Variants in LHFPL3 observed in about 807,000 individuals in gnomAD.
The protein encoded by LHFPL3 is LHFPL tetraspan subfamily member 3 protein.
A neutral mutation model predicts 19.3 loss-of-function variants in LHFPL3; 5 were observed. The observed-to-expected ratio is 0.26, with a 90% CI of 0.14 to 0.54. The LOEUF (loss-of-function observed/expected upper bound fraction) is 0.54, where lower values mean the gene tolerates loss of function less well. Ranked by LOEUF, LHFPL3 falls within the 20% of genes least tolerant of loss-of-function variation. The pLI is 0.94. For synonymous variants in LHFPL3, 133 were observed against 126.2 expected, an observed-to-expected ratio of 1.05 and a Z score of -0.36; for missense variants, 249 against 307.4, an observed-to-expected ratio of 0.81 and a Z score of 1.42.
At chr7:104,610,549 A>T (rs920662792) in intron 1 of LHFPL3, among the ~76,000 whole-genome samples, 3 of 152,166 alleles carry the variant, frequency 2.0e-5, no homozygotes, top group Non-Finnish European at 2.9e-5. Flanking sequence ...CAGGCTTGAG[A>T]ACCAGGAGAG....
chr7:104,462,928 G>A (rs941499264), intron 1 of LHFPL3, among the ~76,000 whole-genome samples: 2 of 151,918 alleles, frequency 1.3e-5, no homozygotes, highest in Admixed American at 6.6e-5. Context: ...GCTCATTATT[G>A]GTCTGTTTGG....
intron 1 of LHFPL3, among the ~76,000 whole-genome samples, chr7:104,484,414 A>C (rs1354981131): frequency 6.6e-6 from 1 of 152,136 alleles, no homozygotes; most frequent in Admixed American, 6.5e-5. Context: ...CAAAGTGCTG[A>C]GGATGGAGCA....
intron 2 of LHFPL3, among the ~76,000 whole-genome samples, chr7:104,772,975 A>G (rs1467635036): frequency 6.6e-6 from 1 of 152,286 alleles, no homozygotes; most frequent in East Asian, 1.9e-4. Flanking sequence ...GCTGACAGCA[A>G]CACAAAGAGA....
At chr7:104,463,158 A>C (rs1314286127) in intron 1 of LHFPL3, among the ~76,000 whole-genome samples, 1 of 152,132 alleles carries the variant, frequency 6.6e-6, no homozygotes, top group East Asian at 1.9e-4. Flanking sequence ...CTAGCAGCCT[A>C]TCTTATTACA....
chr7:104,859,266 CAA>C (rs565168699), intron 2 of LHFPL3, among the ~76,000 whole-genome samples: 1 of 131,494 alleles, frequency 7.6e-6, no homozygotes, highest in Non-Finnish European at 1.6e-5. Flanking sequence ...GACACTGTCT[CAA>C]AAAAAAAAAA....
chr7:104,650,998 C>T (rs1417272846), intron 1 of LHFPL3, among the ~76,000 whole-genome samples: 1 of 152,176 alleles, frequency 6.6e-6, no homozygotes, highest in Non-Finnish European at 1.5e-5. Flanking sequence ...ATCTAACTAA[C>T]CATCTTCTTA....
At chr7:104,814,800 C>G (rs1790534068) in intron 2 of LHFPL3, among the ~76,000 whole-genome samples, 1 of 152,250 alleles carries the variant, frequency 6.6e-6, no homozygotes. Flanking sequence ...TGTGTGCACG[C>G]TCGACTGGGC....
chr7:104,484,755 G>C (rs915028900), intron 1 of LHFPL3, among the ~76,000 whole-genome samples: 5 of 152,312 alleles, frequency 3.3e-5, no homozygotes, highest in East Asian at 1.9e-4. Context: ...ATCCCATGAG[G>C]GGGGAAGGCA....
chr7:104,686,910 A>G (rs1792815805), intron 1 of LHFPL3, among the ~76,000 whole-genome samples: 1 of 152,236 alleles, frequency 6.6e-6, no homozygotes, highest in Non-Finnish European at 1.5e-5. Flanking sequence ...AGAGTGAAGC[A>G]GGGAAAAGCC....
intron 2 of LHFPL3, among the ~76,000 whole-genome samples, chr7:104,844,615 T>C (rs564577947): frequency 6.6e-6 from 1 of 152,336 alleles, no homozygotes. Flanking sequence ...TCCTCTCCTT[T>C]GGGTGGTATT....
chr7:104,454,384 A>AC (rs2116607387), intron 1 of LHFPL3, among the ~76,000 whole-genome samples: 3 of 152,268 alleles, frequency 2.0e-5, no homozygotes, highest in African/African-American at 7.2e-5. Context: ...ATTGGTCCTT[A>AC]CCTTATGAGA....
intron 1 of LHFPL3, among the ~76,000 whole-genome samples, chr7:104,574,128 A>G (rs1328915395): frequency 6.6e-6 from 1 of 152,218 alleles, no homozygotes. Flanking sequence ...AATTATAGAA[A>G]TTCCCTAGGT....
chr7:104,401,635 A>G (rs1791313620), intron 1 of LHFPL3, among the ~76,000 whole-genome samples: 1 of 152,234 alleles, frequency 6.6e-6, no homozygotes, highest in South Asian at 2.1e-4. Context: ...CTTTTCAGAA[A>G]TTCAATTTGA....
chr7:104,605,683 CACTTT>C (rs1791082010), intron 1 of LHFPL3, among the ~76,000 whole-genome samples: 1 of 152,104 alleles, frequency 6.6e-6, no homozygotes, highest in African/African-American at 2.4e-5. Context: ...AAGCATTTTT[CACTTT>C]ATAACCCTCA....
At chr7:104,744,366 G>C (rs368835829) in intron 2 of LHFPL3, among the ~76,000 whole-genome samples, 38 of 152,152 alleles carry the variant, frequency 2.5e-4, no homozygotes, top group African/African-American at 9.2e-4. Context: ...GTATCTTCAA[G>C]TGCTTTGAAT....
At chr7:104,367,524 T>G (rs974626580) in intron 1 of LHFPL3, among the ~76,000 whole-genome samples, 3 of 152,222 alleles carry the variant, frequency 2.0e-5, no homozygotes, top group Non-Finnish European at 4.4e-5. Flanking sequence ...AATGAGCTAT[T>G]TATGGCTTTG....
rs57399965 is a variant in LHFPL3 at position 104,419,230 on chromosome 7, G to A, written c.445+90006G>A. 6.5e-3 allele frequency among the ~76,000 whole-genome samples: 986 copies of A among 152,310 alleles called. 77 individuals are homozygous for A. The East Asian group carries it at 0.16, about 25-fold the overall frequency. Reference sequence around the variant, plus strand: ...TTTGATGTCAGGCAAACAAGTTGGAGCTTCATTTAGTAGGGACTAGCGTGT... The same window carrying A: ...TTTGATGTCAGGCAAACAAGTTGGAACTTCATTTAGTAGGGACTAGCGTGT... On this transcript the variant is annotated intron_variant, in intron 1 of 2. Coordinates refer to ENST00000424859, the MANE Select transcript of LHFPL3 (RefSeq NM_199000.3).
At chr7:104,338,806 C>T (rs142684027) in intron 1 of LHFPL3, among the ~76,000 whole-genome samples, 15 of 152,276 alleles carry the variant, frequency 9.9e-5, no homozygotes, top group African/African-American at 3.6e-4. Flanking sequence ...TAAAAAATGA[C>T]ATGGCCCACC....
intron 1 of LHFPL3, among the ~76,000 whole-genome samples, chr7:104,697,509 C>A (rs7812002): frequency 0.84 from 127,893 of 152,192 alleles, 54,320 homozygotes; most frequent in East Asian, 0.91. Flanking sequence ...TGTTTCATGC[C>A]AGAAAGAAGT....
Sources: gnomAD v4.1 joint callset for allele counts (sites outside exome capture counted in the v4.1 genomes callset) on GRCh38, gnomAD v4.1.1 for gene constraint, MANE v1.5 for transcripts, NCBI Gene and HGNC (gene_info 2026-07-23, HGNC 2026-07-21) for gene names.